The following RRP36 variants were observed in gnomAD, a reference collection of about 807,000 sequenced individuals.
RRP36 encodes ribosomal RNA processing protein 36 homolog.
In RRP36, 44 loss-of-function variants were observed where a neutral mutation model predicts 39.8. The ratio of observed to expected loss-of-function variants is 1.10; its 90% confidence interval spans 0.87 to 1.42. The LOEUF (loss-of-function observed/expected upper bound fraction) is 1.42, where lower values mean the gene tolerates loss of function less well. Ranked by LOEUF, RRP36 falls within the 40% of genes most tolerant of loss-of-function variation. The pLI, the probability that RRP36 is intolerant of heterozygous loss-of-function variation, is 0.00. For missense variants in RRP36, 316 were observed against 322.4 expected, an observed-to-expected ratio of 0.98 and a Z score of 0.15; for synonymous variants, 124 against 123.1, an observed-to-expected ratio of 1.01 and a Z score of -0.05.
chr6:43,027,662 A>G (rs1177474429), intron 6 of RRP36, among the ~76,000 whole-genome samples, 185 bp downstream of exon 6: 1 of 148,840 alleles, frequency 6.7e-6, no homozygotes, highest in East Asian at 2.0e-4. Context: ...TAATTAGATC[A>G]TGGCAGGCAT....
intron 1 of RRP36, among the ~76,000 whole-genome samples, chr6:43,023,970 C>T (rs1346081828): frequency 1.3e-5 from 2 of 151,624 alleles, no homozygotes; most frequent in Non-Finnish European, 2.9e-5. Context: ...TCTTCTCCCG[C>T]CTCAGCCTCC....
chr6:43,028,341 A>T (rs1425856138), intron 6 of RRP36, among the ~76,000 whole-genome samples: 1 of 146,188 alleles, frequency 6.8e-6, no homozygotes, highest in African/African-American at 2.7e-5. Flanking sequence ...CAGGAAAAAC[A>T]AACAAACAAA....
At position 43,021,775 on chromosome 6, in the gene RRP36, C is replaced by G. The variant is rs931194093; in HGVS notation, c.121C>G (p.Leu41Val). 1.8e-6 allele frequency: 2 copies of G among 1,081,102 alleles called. No individual in the cohort carries two copies. The highest frequency in any genetic ancestry group is 2.3e-6 in the Non-Finnish European group (2 of 880,266). 67.0% of individuals were successfully genotyped at this position (1,081,102 alleles called of 1,614,324 possible). ...GLEPAAVARD[L>V]LRGTSNMSFE... Reference sequence around the variant, plus strand: ...GGAGCCCGCGGCCGTGGCCCGCGACCTATTGAGGGGTGAGGGCATGGGGCA... The same window carrying G: ...GGAGCCCGCGGCCGTGGCCCGCGACGTATTGAGGGGTGAGGGCATGGGGCA... The change falls in exon 1 of 7, where the codon CTA becomes GTA. Residue 41 changes from leucine (L) to valine (V), a missense_variant. Leu to Val is a conservative substitution (Grantham distance 32). Coordinates refer to ENST00000244496, the MANE Select transcript of RRP36 (RefSeq NM_033112.4).
Position 43,021,758 on chromosome 6 carries a change from C to T in RRP36, c.104C>T (p.Ala35Val). 3 of 1,018,604 alleles carry T rather than the reference C, an allele frequency of 2.9e-6. No homozygotes were observed. Among genetic ancestry groups the T allele is most frequent in the South Asian group, 9.5e-5 (2 of 20,990 alleles). The allele number at this position is 1,018,604 out of a possible 1,614,324, so 63.1% of individuals were successfully genotyped here. A position where few individuals can be genotyped will look rare whatever the true frequency, so the allele number is the denominator to read the frequency against. ...REEDGGGLEP[A>V]AVARDLLRGT... ...GAGGACGGCGGGGGCCTGGAGCCCG[C>T]GGCCGTGGCCCGCGACCTATTGAGG... Residue 35 changes from alanine (A) to valine (V), a missense_variant, in exon 1 of 7, where the codon GCG (alanine) becomes GTG (valine). Ala to Val is a moderately conservative substitution (Grantham distance 64). Transcript: ENST00000244496.
At position 43,021,623 on chromosome 6, in the gene RRP36, G is replaced by T; in HGVS notation, c.-32G>T. On this transcript the variant is annotated 5_prime_UTR_variant, in exon 1 of 7. Transcript: ENST00000244496. ...AGGGGCTGCCGTGAGCGGAAGCGGC[G>T]CCATTCGTCTTCCGAGCGCTACTGC... The T allele has an allele frequency of 1.6e-6, 2 of 1,282,720 alleles. No homozygotes were observed. Among genetic ancestry groups the T allele is most frequent in the Non-Finnish European group, 2.0e-6 (2 of 1,013,866 alleles). The allele number at this position is 1,282,720 out of a possible 1,614,324, so 79.5% of individuals were successfully genotyped here.
Position 43,021,761 on chromosome 6 carries a change from C to T in RRP36, c.107C>T (p.Ala36Val). The change falls in exon 1 of 7, where the codon GCC becomes GTC. Residue 36 changes from alanine (A) to valine (V), a missense_variant. Coordinates refer to ENST00000244496, the MANE Select transcript of RRP36 (RefSeq NM_033112.4). ...EEDGGGLEPA[A>V]VARDLLRGTS... ...GACGGCGGGGGCCTGGAGCCCGCGG[C>T]CGTGGCCCGCGACCTATTGAGGGGT... 8.2e-7 allele frequency: 1 copy of T among 1,219,484 alleles called. No homozygotes were observed. Among genetic ancestry groups the T allele is most frequent in the Non-Finnish European group, 1.0e-6 (1 of 979,554 alleles). The allele number at this position is 1,219,484 out of a possible 1,614,324, so 75.5% of individuals were successfully genotyped here.
In RRP36 at chr6:43,025,264, C is replaced by T. The variant is rs776101412; in HGVS notation, c.280C>T (p.Pro94Ser). The T allele has an allele frequency of 6.2e-7, 1 of 1,614,118 alleles. No individual in the cohort carries two copies. The highest frequency in any genetic ancestry group is 2.2e-5 in the East Asian group (1 of 44,880). The change falls in exon 3 of 7, where the codon CCT (proline) becomes TCT (serine). Residue 94 changes from proline (P) to serine (S), a missense_variant and splice_region_variant. Physicochemically the swap from Pro to Ser is moderately conservative, Grantham distance 74 (BLOSUM62 -1). Transcript: ENST00000244496. ...ACTTGGCTTTTAATTTCTCCATAGG[C>T]CTCTGGAAATGTCAGCCAAGATCCG... Reference protein sequence around the residue: ...QNACVADKHRPLEMSAKIRVP... With the variant: ...QNACVADKHRSLEMSAKIRVP...
chr6:43,023,231 T>A (rs908108155), intron 1 of RRP36, among the ~76,000 whole-genome samples: 2 of 151,840 alleles, frequency 1.3e-5, no homozygotes, highest in Non-Finnish European at 2.9e-5. Context: ...GACCCGCTTT[T>A]CTACTAAAAA....
chr6:43,026,197 C>T (rs1581886470), intron 4 of RRP36, 56 bp downstream of exon 4: 1 of 1,284,780 alleles, frequency 7.8e-7, no homozygotes, highest in African/African-American at 1.5e-5. Flanking sequence ...AATGAGGGCA[C>T]AGGTTAGAGA....
chr6:43,022,088 AT>A (rs1163573185), intron 1 of RRP36, among the ~76,000 whole-genome samples: 1 of 151,998 alleles, frequency 6.6e-6, no homozygotes. Flanking sequence ...AATTCAGCAG[AT>A]TCCGTAGACT....
Position 43,029,495 on chromosome 6 carries a change from T to C in RRP36, c.*267T>C, listed in dbSNP as rs1002399296. 5.8e-6 allele frequency: 2 copies of C among 346,780 alleles called. No homozygotes were observed. The highest frequency in any genetic ancestry group is 1.0e-5 in the Non-Finnish European group (2 of 192,116). 21.5% of individuals were successfully genotyped at this position (346,780 alleles called of 1,614,324 possible). A position where few individuals can be genotyped will look rare whatever the true frequency, so the allele number is the denominator to read the frequency against. On this transcript the variant is annotated 3_prime_UTR_variant, in exon 7 of 7. Coordinates refer to ENST00000244496, the MANE Select transcript of RRP36 (RefSeq NM_033112.4). ...CATCCTTGCCTTAAACCAGGGATTC[T>C]GATACCGAAGAAGAGGGGCCAATGA...
At chr6:43,026,947 TCC>T (rs1463297734) in intron 4 of RRP36, among the ~76,000 whole-genome samples, 1 of 151,692 alleles carries the variant, frequency 6.6e-6, no homozygotes, top group Admixed American at 6.6e-5. Context: ...GTGCCTGTAG[TCC>T]CAGCTACTTG....
At chr6:43,027,949 G>GCACACACACACATGCA (rs1762848096) in intron 6 of RRP36, among the ~76,000 whole-genome samples, 1 of 151,596 alleles carries the variant, frequency 6.6e-6, no homozygotes, top group Admixed American at 6.6e-5. Context: ...GGTCTACACT[G>GCACACACACACATGCA]CACACACACA....
At chr6:43,028,640 T>G (rs1378873507) in intron 6 of RRP36, among the ~76,000 whole-genome samples, 2 of 132,404 alleles carry the variant, frequency 1.5e-5, no homozygotes, top group Non-Finnish European at 3.1e-5. Flanking sequence ...AGAGTGAGAC[T>G]CCATCTCAAA....
At chr6:43,027,624 G>A (rs1762838175) in intron 6 of RRP36, 147 bp downstream of exon 6, 8 of 699,246 alleles carry the variant, frequency 1.1e-5, no homozygotes, top group Non-Finnish European at 2.0e-5. Context: ...AAATAGTAGG[G>A]AGTTGTTTGT....
At chr6:43,027,804 C>G (rs371432634) in intron 6 of RRP36, among the ~76,000 whole-genome samples, 3 of 134,186 alleles carry the variant, frequency 2.2e-5, no homozygotes, top group African/African-American at 8.6e-5. Context: ...CACACAAACA[C>G]AGAGTCAGTT....
rs149918001 is a variant in RRP36 at position 43,025,101 on chromosome 6, A to G, written c.247A>G (p.Ile83Val). ...TAAGAAACAAGCTTCTAGACCACCT[A>G]TCCAAAATGCATGTGTTGCAGATAA... is the stretch of plus-strand genomic sequence containing the variant. ...SPKKQASRPP[I>V]QNACVADKHR... The change falls in exon 2 of 7, where the codon ATC (isoleucine) becomes GTC (valine). Residue 83 changes from isoleucine (I) to valine (V), a missense_variant. Transcript: ENST00000244496. 2.3e-5 allele frequency: 37 copies of G among 1,614,224 alleles called. No homozygotes were observed. The highest frequency in any genetic ancestry group is 1.8e-4 in the Admixed American group (11 of 60,026).
intron 1 of RRP36, 47 bp downstream of exon 1, chr6:43,021,831 A>G (rs1041658930): frequency 8.4e-7 from 1 of 1,195,368 alleles, no homozygotes; most frequent in Non-Finnish European, 1.0e-6. Flanking sequence ...GGAGATTCCC[A>G]GGCGGGGCCC....
intron 4 of RRP36, 63 bp from the exon 5 acceptor site, chr6:43,027,115 T>C: frequency 6.9e-7 from 1 of 1,443,150 alleles, no homozygotes; most frequent in Non-Finnish European, 9.7e-7. Flanking sequence ...GATAATGCTT[T>C]ACATAAAATT....
Sources: allele counts gnomAD v4.1 joint callset (sites outside exome capture counted in the v4.1 genomes callset), GRCh38; gene constraint gnomAD v4.1.1; transcripts MANE v1.5; gene names NCBI Gene and HGNC (gene_info 2026-07-23, HGNC 2026-07-21).